The following ELAVL1 variants were observed in gnomAD, a reference collection of about 807,000 sequenced individuals.
The protein encoded by ELAVL1 is ELAV-like protein 1.
Under a neutral mutation model 28.4 loss-of-function variants are expected in ELAVL1, and 1 was observed. The observed-to-expected ratio is 0.04, with a 90% confidence interval of 0.01 to 0.17. The LOEUF (loss-of-function observed/expected upper bound fraction) is 0.17. Ranked by LOEUF, ELAVL1 falls within the 10% of genes least tolerant of loss-of-function variation. ELAVL1 has a pLI of 1.00. For synonymous variants in ELAVL1, 174 were observed against 183.5 expected (o/e 0.95, Z 0.42); for missense variants, 157 against 447.2 (o/e 0.35, Z 5.85).
intron 3 of ELAVL1, among the ~76,000 whole-genome samples, chr19:7,975,182 C>G (rs1010882504): frequency 1.3e-5 from 2 of 152,216 alleles, no homozygotes; most frequent in Non-Finnish European, 2.9e-5. Context: ...GAAAAAGAGG[C>G]TGCCTTGGCC....
At position 7,961,303 on chromosome 19, in the gene ELAVL1, GCCTTCCATCAGAAGGGTGTTGGCTCCCA is replaced by G. The variant is rs71165244; in HGVS notation, c.*2152_*2179del. ...GGGGAGTTTCAGAAGCGGGAATCCC[GCCTTCCATCAGAAGGGTGTTGGCTCCCA>G]CCTTCCATCAGAAGGGTGTTGGCTC... On this transcript the variant is annotated 3_prime_UTR_variant, in exon 6 of 6. Coordinates refer to ENST00000407627, the MANE Select transcript of ELAVL1 (RefSeq NM_001419.3). 1 of 147,726 alleles carries G rather than the reference GCCTTCCATCAGAAGGGTGTTGGCTCCCA, an allele frequency of 6.8e-6. No individual in the cohort carries two copies. Among genetic ancestry groups the G allele is most frequent in the African/African-American group, 2.5e-5 (1 of 40,064 alleles). The allele number at this position is 147,726 out of a possible 1,614,324, so 9.2% of individuals were successfully genotyped here.
chr19:7,984,392 G>A (rs1375904448), intron 2 of ELAVL1, among the ~76,000 whole-genome samples: 4 of 152,212 alleles, frequency 2.6e-5, no homozygotes, highest in Non-Finnish European at 4.4e-5. Flanking sequence ...CGTGGCTGAC[G>A]TGAGCATTCC....
At chr19:7,993,514 T>C (rs1985805446) in intron 1 of ELAVL1, among the ~76,000 whole-genome samples, 1 of 152,246 alleles carries the variant, frequency 6.6e-6, no homozygotes, top group South Asian at 2.1e-4. Flanking sequence ...TGAAATGTCT[T>C]TCTCAGTTGC....
chr19:8,002,183 G>C (rs2081070376), intron 1 of ELAVL1: 7 of 1,225,960 alleles, frequency 5.7e-6, no homozygotes, highest in African/African-American at 1.6e-5. Flanking sequence ...TGAACACTGC[G>C]ATGTTCCCAC....
intron 5 of ELAVL1, among the ~76,000 whole-genome samples, chr19:7,965,925 A>C (rs192802556): frequency 3.3e-5 from 5 of 152,346 alleles, no homozygotes; most frequent in East Asian, 3.9e-4. Flanking sequence ...AACCTCAAGG[A>C]AGGCAGGCCA....
At chr19:8,003,375 G>GA (rs2081075376) in intron 1 of ELAVL1, among the ~76,000 whole-genome samples, 8 of 59,882 alleles carry the variant, frequency 1.3e-4, no homozygotes, top group South Asian at 5.2e-4. Context: ...AAAAAAAAAA[G>GA]AAAAAGAAAA....
intron 4 of ELAVL1, among the ~76,000 whole-genome samples, chr19:7,970,501 G>A (rs1015509997): frequency 2.0e-5 from 3 of 151,630 alleles, no homozygotes; most frequent in Non-Finnish European, 2.9e-5. Flanking sequence ...GGCAGGTCTC[G>A]AACTGCTGAC....
chr19:7,977,333 C>G (rs933471298), intron 3 of ELAVL1, among the ~76,000 whole-genome samples: 2 of 152,210 alleles, frequency 1.3e-5, no homozygotes, highest in Non-Finnish European at 2.9e-5. Flanking sequence ...GCCCCTCCAT[C>G]CCTCCGTGAC....
intron 1 of ELAVL1, among the ~76,000 whole-genome samples, chr19:8,003,558 A>G (rs1363680676): frequency 1.3e-5 from 2 of 151,354 alleles, no homozygotes; most frequent in African/African-American, 2.4e-5. Flanking sequence ...CGGGCGTGGT[A>G]GCCGGCGCCT....
chr19:7,972,624 T>A (rs1241450583), intron 4 of ELAVL1, among the ~76,000 whole-genome samples: 1 of 142,842 alleles, frequency 7.0e-6, no homozygotes, highest in Non-Finnish European at 1.6e-5. Context: ...AGCCTTTTTT[T>A]TTCTTTTTCT....
At chr19:7,993,195 A>C (rs1191140533) in intron 1 of ELAVL1, among the ~76,000 whole-genome samples, 1 of 152,236 alleles carries the variant, frequency 6.6e-6, no homozygotes, top group Admixed American at 6.5e-5. Flanking sequence ...ACAAAACAGA[A>C]CAACTCCAAG....
At position 7,963,816 on chromosome 19, in the gene ELAVL1, C is replaced by A. The variant is rs1240784189; in HGVS notation, c.657-9G>T. The stretch of plus-strand genomic sequence containing the variant: ...CGCCCATGGGGGAGAACCTGGCAGA[C>A]AGAGAGCAAGCGTCAGGCCACGGTC... On this transcript the variant is annotated splice_polypyrimidine_tract_variant and intron_variant, in intron 5 of 5. Transcript: ENST00000407627. This position sits in a 1 kb window ranked among gnomAD's most constrained non-coding sequence, Gnocchi z 4.5. 6.2e-7 allele frequency: 1 copy of A among 1,611,848 alleles called. No homozygotes were observed. Among genetic ancestry groups the A allele is most frequent in the African/African-American group, 1.3e-5 (1 of 74,910 alleles).
chr19:7,979,963 C>A lies in ELAVL1; in HGVS notation c.276+1120G>T, dbSNP rs1985408771. Among the ~76,000 whole-genome samples the A allele has an allele frequency of 6.6e-6, 1 of 152,114 alleles. No homozygotes were observed. The highest frequency in any genetic ancestry group is 2.1e-4 in the South Asian group (1 of 4,824). ...GCCCACCCTGCAGTGACTCAGGAGG[C>A]CCCCCTGTGACCATGGAATCTATAT... On this transcript the variant is annotated intron_variant, in intron 3 of 5. Transcript: ENST00000407627. The surrounding 1 kb of genome is among the most constrained non-coding windows in gnomAD (Gnocchi z 5.4).
chr19:7,969,680 G>A lies in ELAVL1; in HGVS notation c.431-1890C>T, dbSNP rs184412797. 1.2e-3 allele frequency among the ~76,000 whole-genome samples: 185 copies of A among 152,268 alleles called. 1 individual carries two copies. The highest frequency in any genetic ancestry group is 2.2e-3 in the Admixed American group (33 of 15,290). On this transcript the variant is annotated intron_variant, in intron 4 of 5. Coordinates refer to ENST00000407627, the MANE Select transcript of ELAVL1 (RefSeq NM_001419.3). ...TAGGCAAATACGACTGAGAGCTGAC[G>A]CTGGCCGGCTCGTAGGGAAGCTGGC...
chr19:7,985,335 G>A (rs954104339), intron 2 of ELAVL1, among the ~76,000 whole-genome samples: 1 of 152,210 alleles, frequency 6.6e-6, no homozygotes, highest in Non-Finnish European at 1.5e-5. Context: ...GGGCCCCCAA[G>A]TTACTGTTTC....
intron 5 of ELAVL1, among the ~76,000 whole-genome samples, chr19:7,965,853 G>A (rs941022323): frequency 2.6e-5 from 4 of 152,162 alleles, no homozygotes; most frequent in Admixed American, 6.5e-5. Context: ...TCTAGAGCTG[G>A]ATTTTAAAAT....
intron 3 of ELAVL1, among the ~76,000 whole-genome samples, chr19:7,980,821 G>A (rs1301436559): frequency 6.6e-6 from 1 of 152,172 alleles, no homozygotes; most frequent in East Asian, 1.9e-4. Flanking sequence ...TCCAGGGATG[G>A]GAACACAGAG....
In ELAVL1 at chr19:7,991,747, G is replaced by A. The variant is rs747086495; in HGVS notation, c.69C>T (p.Ile23=). 14 of 1,614,114 alleles carry A rather than the reference G, an allele frequency of 8.7e-6. No homozygotes were observed. Among genetic ancestry groups the A allele is most frequent in the Middle Eastern group, 1.6e-4 (1 of 6,062 alleles). ...CRGDIGRTNL[I]VNYLPQNMTQ... ...TCATGTTCTGAGGGAGGTAGTTGAC[G>A]ATCAAATTCGTTCTCCCGATGTCAC... is the stretch of plus-strand genomic sequence containing the variant. The change falls in exon 2 of 6, where the codon ATC becomes ATT. Residue 23 remains isoleucine, a synonymous_variant. Transcript: ENST00000407627.
chr19:7,960,546 AG>A lies in ELAVL1; in HGVS notation c.*2936del, dbSNP rs1599660922. ...TGAAAACGAAATAATGGCAGAGCCA[AG>A]GGGGAACAAGGGAGAATTCATCAGG... is the stretch of plus-strand genomic sequence containing the variant. On this transcript the variant is annotated 3_prime_UTR_variant, in exon 6 of 6. Transcript: ENST00000407627. 1 of 152,518 alleles carries A rather than the reference AG, an allele frequency of 6.6e-6. No individual in the cohort carries two copies. The highest frequency in any genetic ancestry group is 2.4e-5 in the African/African-American group (1 of 41,454). The allele number at this position is 152,518 out of a possible 1,614,324, so 9.4% of individuals were successfully genotyped here.
Sources: allele counts gnomAD v4.1 joint callset (sites outside exome capture counted in the v4.1 genomes callset), GRCh38; gene constraint gnomAD v4.1.1; non-coding constraint Gnocchi (gnomAD v3.1); transcripts MANE v1.5; gene names NCBI Gene and HGNC (gene_info 2026-07-23, HGNC 2026-07-21).